ATMIN: variants seen among roughly 807,000 people sequenced by gnomAD.
The protein encoded by ATMIN is ATM INteracting protein.
In ATMIN, 24 loss-of-function variants were observed where a neutral mutation model predicts 49.2. The observed-to-expected ratio is 0.49, with a 90% confidence interval of 0.35 to 0.69. The LOEUF (loss-of-function observed/expected upper bound fraction) is 0.69. Ranked by LOEUF, ATMIN falls within the 30% of genes least tolerant of loss-of-function variation. The probability of loss-of-function intolerance (pLI) is 0.00; values close to 1 mark genes in which losing one functional copy is unlikely to be tolerated. For synonymous variants in ATMIN, 450 were observed against 392.5 expected (o/e 1.15, Z -1.73); for missense variants, 1,037 against 1,005.5 (o/e 1.03, Z -0.42).
chr16:81,044,463 A>G lies in ATMIN; in HGVS notation c.1965A>G (p.Glu655=), dbSNP rs1489479682. 6.2e-7 allele frequency: 1 copy of G among 1,614,008 alleles called. No homozygotes were observed. The highest frequency in any genetic ancestry group is 8.5e-7 in the Non-Finnish European group (1 of 1,179,978). The change falls in exon 4 of 4, where the codon GAA becomes GAG. Residue 655 remains glutamate (E), a synonymous_variant. Transcript: ENST00000299575. ...TCCAGACTCAAACTGAAGAGAGTGA[A>G]CTTAGCACCATGACCACCGAGCCAG... ...SNIQTQTEES[E]LSTMTTEPVL... is the part of the protein sequence containing the mutation.
Position 81,045,868 on chromosome 16 carries a change from A to C in ATMIN, c.*898A>C, listed in dbSNP as rs1188397264. On this transcript the variant is annotated 3_prime_UTR_variant, in exon 4 of 4. Transcript: ENST00000299575. ...CACAGTGGCATGCGCCTGTGATCCC[A>C]GCTACTTGGAAGGCTGAGGTGAGAG... The C allele has an allele frequency of 6.6e-6, 1 of 150,438 alleles. No homozygotes were observed. Among genetic ancestry groups the C allele is most frequent in the Non-Finnish European group, 1.5e-5 (1 of 67,810 alleles). 9.3% of individuals were successfully genotyped at this position (150,438 alleles called of 1,614,324 possible).
intron 2 of ATMIN, 198 bp downstream of exon 2, chr16:81,041,679 T>A: frequency 1.7e-6 from 1 of 579,448 alleles, no homozygotes; most frequent in Non-Finnish European, 2.9e-6. Flanking sequence ...GGAATATGTC[T>A]AGAACTGAGT....
chr16:81,035,891 G>T lies in ATMIN; in HGVS notation c.21G>T (p.Ala7=), dbSNP rs972890579. 1.0e-5 allele frequency: 10 copies of T among 976,482 alleles called. No individual in the cohort carries two copies. Among genetic ancestry groups the T allele is most frequent in the African/African-American group, 3.5e-5 (2 of 56,554 alleles). The allele number at this position is 976,482 out of a possible 1,614,324, so 60.5% of individuals were successfully genotyped here. A position where few individuals can be genotyped will look rare whatever the true frequency, so the allele number is the denominator to read the frequency against. The change falls in exon 1 of 4, where the codon GCG becomes GCT. Residue 7 remains alanine, a synonymous_variant. Transcript: ENST00000299575. The part of the protein sequence containing the change: MAASEA[A]AAAGSAALAA... The stretch of plus-strand genomic sequence containing the variant: ...GAGCCATGGCGGCCTCGGAGGCGGC[G>T]GCGGCGGCGGGGTCCGCGGCTCTGG...
rs779592343 is a variant in ATMIN at position 81,043,740 on chromosome 16, G to T, written c.1242G>T (p.Gln414His). The change falls in exon 4 of 4, where the codon CAG becomes CAT. Residue 414 changes from glutamine (Q) to histidine (H), a missense_variant. By Grantham distance (24) the Gln-to-His change is conservative (BLOSUM62 0). Transcript: ENST00000299575. ...ATAGCATTTCTTCAATCAACGTGCAGACAGATCTGTCTTATGCCTCACAAA... is the reference window on the plus strand; with the variant it reads ...ATAGCATTTCTTCAATCAACGTGCATACAGATCTGTCTTATGCCTCACAAA... ...QKNSISSINVQTDLSYASQNF... is the reference protein window; with the variant it reads ...QKNSISSINVHTDLSYASQNF... 14 of 1,614,122 alleles carry T rather than the reference G, an allele frequency of 8.7e-6. No individual in the cohort carries two copies. The highest frequency in any genetic ancestry group is 1.2e-5 in the Non-Finnish European group (14 of 1,180,048).
chr16:81,039,219 C>T (rs548257592), intron 1 of ATMIN, among the ~76,000 whole-genome samples: 112 of 152,318 alleles, frequency 7.4e-4, no homozygotes, highest in African/African-American at 2.5e-3. Context: ...TGACCAGAGA[C>T]TCCATCCACT....
At position 81,044,334 on chromosome 16, in the gene ATMIN, T is replaced by C; in HGVS notation, c.1836T>C (p.Leu612=). 1 of 1,614,180 alleles carries C rather than the reference T, an allele frequency of 6.2e-7. No homozygotes were observed. ...CTCAGACATTGGATCATCGTAGTCTTTTGTCTGACACAAATCCTGGACCTG... is the reference window on the plus strand; with the variant it reads ...CTCAGACATTGGATCATCGTAGTCTCTTGTCTGACACAAATCCTGGACCTG... ...LPAQTLDHRS[L]LSDTNPGPDT... The change falls in exon 4 of 4, where the codon CTT becomes CTC. Residue 612 remains leucine (L), a synonymous_variant. Coordinates refer to ENST00000299575, the MANE Select transcript of ATMIN (RefSeq NM_015251.3).
rs1971075779 is a variant in ATMIN at position 81,043,813 on chromosome 16, T to G, written c.1315T>G (p.Ser439Ala). The change falls in exon 4 of 4, where the codon TCT becomes GCT. Residue 439 changes from serine (S) to alanine (A), a missense_variant. Physicochemically the swap from Ser to Ala is moderately conservative, Grantham distance 99 (BLOSUM62 1). Coordinates refer to ENST00000299575, the MANE Select transcript of ATMIN (RefSeq NM_015251.3). Reference sequence around the variant, plus strand: ...GGCCACTGCTGATTCCTCTGTGTCGTCTTGTTCTCAAACTGATTTGTCGTT... The same window carrying G: ...GGCCACTGCTGATTCCTCTGTGTCGGCTTGTTCTCAAACTGATTTGTCGTT... ...QWATADSSVS[S>A]CSQTDLSFDS... 11 of 1,614,118 alleles carry G rather than the reference T, an allele frequency of 6.8e-6. No homozygotes were observed. Among genetic ancestry groups the G allele is most frequent in the African/African-American group, 1.3e-5 (1 of 74,944 alleles).
Position 81,037,510 on chromosome 16 carries a change from T to C in ATMIN, c.336+1304T>C, listed in dbSNP as rs565854542. 6.5e-5 allele frequency: 64 copies of C among 985,276 alleles called. No homozygotes were observed. In the African/African-American group the frequency reaches 1.1e-3, roughly 16 times the overall value. 61.0% of individuals were successfully genotyped at this position (985,276 alleles called of 1,614,324 possible). A position where few individuals can be genotyped will look rare whatever the true frequency, so the allele number is the denominator to read the frequency against. ...GGAAGACCGTGCAGGTGGGGCCGAA[T>C]TGTTGGACTGAAAAGCTCTGGGTTT... On this transcript the variant is annotated intron_variant, in intron 1 of 3. Transcript: ENST00000299575.
In ATMIN at chr16:81,044,253, C is replaced by T. The variant is rs1448420966; in HGVS notation, c.1755C>T (p.Thr585=). The part of the protein sequence containing the change: ...LPSQNMTDNQ[T]QTIDLLSDLE... The stretch of plus-strand genomic sequence containing the variant: ...CACAGAACATGACAGATAATCAGAC[C>T]CAAACCATAGATTTATTAAGTGATT... Residue 585 remains threonine, a synonymous_variant, in exon 4 of 4, where the codon ACC becomes ACT. Transcript: ENST00000299575. The T allele has an allele frequency of 1.2e-6, 2 of 1,613,948 alleles. No individual in the cohort carries two copies. The highest frequency in any genetic ancestry group is 1.7e-5 in the Admixed American group (1 of 59,992).
intron 1 of ATMIN, among the ~76,000 whole-genome samples, chr16:81,039,041 C>T (rs998536358): frequency 1.3e-5 from 2 of 152,190 alleles, no homozygotes; most frequent in Non-Finnish European, 2.9e-5. Context: ...AGTGATCCGC[C>T]CGCTTCAGCC....
Position 81,035,903 on chromosome 16 carries a change from G to T in ATMIN, c.33G>T (p.Gly11=). 1 of 983,812 alleles carries T rather than the reference G, an allele frequency of 1.0e-6. No homozygotes were observed. The highest frequency in any genetic ancestry group is 1.2e-6 in the Non-Finnish European group (1 of 829,890). 60.9% of individuals were successfully genotyped at this position (983,812 alleles called of 1,614,324 possible). MAASEAAAAA[G]SAALAAGARA... is the part of the protein sequence containing the mutation. ...CCTCGGAGGCGGCGGCGGCGGCGGG[G>T]TCCGCGGCTCTGGCGGCGGGTGCCC... The change falls in exon 1 of 4, where the codon GGG becomes GGT. Residue 11 remains glycine, a synonymous_variant. Coordinates refer to ENST00000299575, the MANE Select transcript of ATMIN (RefSeq NM_015251.3).
chr16:81,043,370 C>G lies in ATMIN; in HGVS notation c.872C>G (p.Pro291Arg). The change falls in exon 4 of 4, where the codon CCT becomes CGT. Residue 291 changes from proline to arginine, a missense_variant. By Grantham distance (103) the Pro-to-Arg change is moderately radical. Coordinates refer to ENST00000299575, the MANE Select transcript of ATMIN (RefSeq NM_015251.3). ...KQTLTTPPRY[P>R]QKLLLPKPKV... ...ACTCTTACAACACCACCGAGATATCCTCAGAAGTTGCTTTTACCAAAGCCC... is the reference window on the plus strand; with the variant it reads ...ACTCTTACAACACCACCGAGATATCGTCAGAAGTTGCTTTTACCAAAGCCC... 6.2e-7 allele frequency: 1 copy of G among 1,614,096 alleles called. No homozygotes were observed. Among genetic ancestry groups the G allele is most frequent in the East Asian group, 2.2e-5 (1 of 44,870 alleles).
chr16:81,041,733 G>T, intron 2 of ATMIN: 2 of 347,932 alleles, frequency 5.7e-6, no homozygotes. Flanking sequence ...CAAAGAATGA[G>T]AAAATGTTTG....
intron 1 of ATMIN, chr16:81,037,157 T>A: frequency 1.0e-6 from 1 of 985,306 alleles, no homozygotes; most frequent in South Asian, 4.7e-5. Flanking sequence ...CTCTCAGTCA[T>A]TACAATGGCA....
rs1453131372 is a variant in ATMIN at position 81,037,261 on chromosome 16, G to A, written c.336+1055G>A. 1.0e-5 allele frequency: 10 copies of A among 985,348 alleles called. No homozygotes were observed. In the East Asian group the frequency reaches 1.1e-3, roughly 112 times the overall value. 61.0% of individuals were successfully genotyped at this position (985,348 alleles called of 1,614,324 possible). ...GCGAATATGTAGCTTTTGATGATCA[G>A]GAGTAAATTTAGAGTACCCAGAATA... On this transcript the variant is annotated intron_variant, in intron 1 of 3. Transcript: ENST00000299575.
chr16:81,041,332 T>C (rs1371711019), intron 1 of ATMIN, 24 bp from the exon 2 acceptor site: 1 of 1,588,694 alleles, frequency 6.3e-7, no homozygotes, highest in Non-Finnish European at 8.5e-7. Flanking sequence ...GAAATAATAA[T>C]TTAAAGTAAT....
chr16:81,046,912 A>G lies in ATMIN; in HGVS notation c.*1942A>G, dbSNP rs1027151583. On this transcript the variant is annotated 3_prime_UTR_variant, in exon 4 of 4. Transcript: ENST00000299575. ...GAGTTTGGTTTGGTCACAGTTGCCT[A>G]TGAGTGTGGGTTTCAAAAGAAACAT... The G allele has an allele frequency of 6.6e-6, 1 of 152,630 alleles. No homozygotes were observed. 9.5% of individuals were successfully genotyped at this position (152,630 alleles called of 1,614,324 possible).
chr16:81,041,632 G>A (rs926405795), intron 2 of ATMIN, 151 bp downstream of exon 2: 1 of 955,836 alleles, frequency 1.0e-6, no homozygotes, highest in South Asian at 1.8e-5. Flanking sequence ...TGAGTATGCT[G>A]TTACACAAGT....
chr16:81,039,667 T>G (rs1466054716), intron 1 of ATMIN, among the ~76,000 whole-genome samples: 1 of 152,216 alleles, frequency 6.6e-6, no homozygotes, highest in Admixed American at 6.5e-5. Flanking sequence ...GTACATTTTT[T>G]TATTCCTAGA....
Sources: allele counts gnomAD v4.1 joint callset (sites outside exome capture counted in the v4.1 genomes callset), GRCh38; gene constraint gnomAD v4.1.1; transcripts MANE v1.5; gene names NCBI Gene and HGNC (gene_info 2026-07-23, HGNC 2026-07-21).